Variants in PTPN23 observed in about 807,000 individuals in gnomAD.
The protein encoded by PTPN23 is tyrosine-protein phosphatase non-receptor type 23.
A neutral mutation model predicts 156.3 loss-of-function variants in PTPN23; 72 were observed. The ratio of observed to expected loss-of-function variants is 0.46; its 90% CI spans 0.38 to 0.56. The LOEUF (loss-of-function observed/expected upper bound fraction) is 0.56, where lower values mean the gene tolerates loss of function less well. PTPN23 is among the 20% of genes least tolerant of loss of function. The pLI, the probability that PTPN23 is intolerant of heterozygous loss-of-function variation, is 0.00. For missense variants in PTPN23, 1,974 were observed against 2,171.5 expected (o/e 0.91, Z 1.81); for synonymous variants, 957 against 899.6 (o/e 1.06, Z -1.14).
rs552009689 is a variant in PTPN23, at chr3:47,396,069, G to A, written c.85-74G>A. 4 of 1,164,796 alleles carry A rather than the reference G, an allele frequency of 3.4e-6. No homozygotes were observed. In the African/African-American group the frequency reaches 4.7e-5, roughly 14 times the overall value. The allele number at this position is 1,164,796 out of a possible 1,614,324, so 72.2% of individuals were successfully genotyped here. A position where few individuals can be genotyped will look rare whatever the true frequency, so the allele number is the denominator to read the frequency against. On this transcript the variant is annotated intron_variant, in intron 1 of 24. Transcript: ENST00000265562. ...CTGCACTTAATCCTGAGTCCTGGTT[G>A]GTGCTTGCCCAGGACTCAGAGGGCA... is the stretch of plus-strand genomic sequence containing the variant.
intron 23 of PTPN23, 45 bp downstream of exon 23, chr3:47,412,466 G>C: frequency 6.2e-7 from 1 of 1,611,628 alleles, no homozygotes; most frequent in Non-Finnish European, 8.5e-7. Context: ...TTCTGTCCCA[G>C]GGTGACGGGC....
chr3:47,396,072 G>A, intron 1 of PTPN23, 71 bp from the exon 2 acceptor site: 2 of 1,227,986 alleles, frequency 1.6e-6, no homozygotes, highest in Non-Finnish European at 2.4e-6. Flanking sequence ...CCTGGTTGGT[G>A]CTTGCCCAGG....
intron 1 of PTPN23, among the ~76,000 whole-genome samples, chr3:47,382,675 C>CTTTTATTTTT (rs1704569368): frequency 1.6e-5 from 1 of 63,346 alleles, no homozygotes. Context: ...TTTTCTTTTT[C>CTTTTATTTTT]TTTTCTTTTT....
chr3:47,382,094 A>T (rs1206090888), intron 1 of PTPN23, among the ~76,000 whole-genome samples: 1 of 152,168 alleles, frequency 6.6e-6, no homozygotes, highest in East Asian at 1.9e-4. Flanking sequence ...ACTTAGCGAG[A>T]CGCTTGGGAA....
intron 2 of PTPN23, 76 bp downstream of exon 2, chr3:47,396,293 G>A (rs1704878405): frequency 3.1e-6 from 4 of 1,270,820 alleles, no homozygotes; most frequent in Non-Finnish European, 4.5e-6. Flanking sequence ...AACTGCCTAG[G>A]CTGGGCATGG....
chr3:47,398,239 C>T (rs999478873), intron 2 of PTPN23, among the ~76,000 whole-genome samples: 3 of 152,140 alleles, frequency 2.0e-5, no homozygotes, highest in Non-Finnish European at 2.9e-5. Context: ...GTGGAGGTTG[C>T]AGTGAGCCAA....
At position 47,409,006 on chromosome 3, in the gene PTPN23, C is replaced by T. The variant is rs201343543; in HGVS notation, c.1561C>T (p.Leu521=). 2 of 1,614,136 alleles carry T rather than the reference C, an allele frequency of 1.2e-6. No homozygotes were observed. Among genetic ancestry groups the T allele is most frequent in the Admixed American group, 1.7e-5 (1 of 60,034 alleles). The part of the protein sequence containing the change: ...TNSELHRAMN[L]HVGNLRLLSG... ...CAGTGAGCTGCACCGTGCCATGAAC[C>T]TGCACGTCGGCAACCTGCGCCTGCT... Residue 521 remains leucine (L), a synonymous_variant, in exon 16 of 25, where the codon CTG becomes TTG. Coordinates refer to ENST00000265562, the MANE Select transcript of PTPN23 (RefSeq NM_015466.4).
At chr3:47,403,645 C>T (rs982178354) in intron 2 of PTPN23, among the ~76,000 whole-genome samples, 4 of 152,100 alleles carry the variant, frequency 2.6e-5, no homozygotes, top group South Asian at 2.1e-4. Flanking sequence ...CTTTTCCCGT[C>T]GGCCTCCCAA....
chr3:47,405,586 C>T lies in PTPN23; in HGVS notation c.365-163C>T. ...GGAGACTGAGGGCTGGGCAGGACTTCTGAGTTTCCCTGTTCCCTCCAGCTT... is the reference window on the plus strand; with the variant it reads ...GGAGACTGAGGGCTGGGCAGGACTTTTGAGTTTCCCTGTTCCCTCCAGCTT... On this transcript the variant is annotated intron_variant, in intron 4 of 24. Coordinates refer to ENST00000265562, the MANE Select transcript of PTPN23 (RefSeq NM_015466.4). This position sits in a 1 kb window ranked among gnomAD's most constrained non-coding sequence, Gnocchi z 4.7. 1 of 701,826 alleles carries T rather than the reference C, an allele frequency of 1.4e-6. No individual in the cohort carries two copies. Among genetic ancestry groups the T allele is most frequent in the Non-Finnish European group, 2.4e-6 (1 of 418,794 alleles). The allele number at this position is 701,826 out of a possible 1,614,324, so 43.5% of individuals were successfully genotyped here.
chr3:47,408,087 G>C lies in PTPN23; in HGVS notation c.1184+132G>C, dbSNP rs984914069. 1.8e-5 allele frequency: 21 copies of C among 1,179,774 alleles called. No homozygotes were observed. In the African/African-American group the frequency reaches 2.7e-4, roughly 15 times the overall value. 73.1% of individuals were successfully genotyped at this position (1,179,774 alleles called of 1,614,324 possible). The stretch of plus-strand genomic sequence containing the variant: ...ACAGGTTTCCCAATGCTGCCTTCCC[G>C]CCTGGGGTGGTGGGGCTAGTGTGTA... On this transcript the variant is annotated intron_variant, in intron 14 of 24. Coordinates refer to ENST00000265562, the MANE Select transcript of PTPN23 (RefSeq NM_015466.4).
rs376047678 is a variant in PTPN23, at chr3:47,406,313, G to A, written c.547-12G>A. 5.9e-5 allele frequency: 95 copies of A among 1,613,212 alleles called. No homozygotes were observed. Among genetic ancestry groups the A allele is most frequent in the Non-Finnish European group, 7.6e-5 (90 of 1,179,972 alleles). On this transcript the variant is annotated splice_polypyrimidine_tract_variant and intron_variant, in intron 6 of 24. Coordinates refer to ENST00000265562, the MANE Select transcript of PTPN23 (RefSeq NM_015466.4). The surrounding 1 kb of genome is among the most constrained non-coding windows in gnomAD (Gnocchi z 5.8). ...GGGTGAGCGAGGGAGTGCACCTCAC[G>A]TGTCGCCCCAGGGCCAGGCTCAGGA...
chr3:47,409,327 G>T lies in PTPN23; in HGVS notation c.1797+10G>T. 6.2e-7 allele frequency: 1 copy of T among 1,613,940 alleles called. No homozygotes were observed. Among genetic ancestry groups the T allele is most frequent in the Non-Finnish European group, 8.5e-7 (1 of 1,179,922 alleles). ...CCACTCAGAGATGAAGGTGGGCTGG[G>T]TGAGCAGGGTAGAGGGGCTCTGGCT... On this transcript the variant is annotated intron_variant, in intron 17 of 24. Transcript: ENST00000265562.
intron 1 of PTPN23, among the ~76,000 whole-genome samples, chr3:47,389,700 C>T (rs538558202): frequency 2.0e-5 from 3 of 152,184 alleles, no homozygotes; most frequent in East Asian, 1.9e-4. Context: ...ATTAGCCAGG[C>T]GTGGTGGCGG....
intron 1 of PTPN23, among the ~76,000 whole-genome samples, chr3:47,390,117 C>T (rs1055559633): frequency 6.6e-6 from 1 of 151,770 alleles, no homozygotes; most frequent in Non-Finnish European, 1.5e-5. Flanking sequence ...TGGCACACAG[C>T]TGTAGTCCTA....
rs770870105 is a variant in PTPN23 at position 47,412,759 on chromosome 3, C to T, written c.4485C>T (p.Ile1495=). 1.2e-5 allele frequency: 20 copies of T among 1,610,856 alleles called. No individual in the cohort carries two copies. The highest frequency in any genetic ancestry group is 1.7e-5 in the Non-Finnish European group (20 of 1,178,212). Residue 1495 remains isoleucine (I), a synonymous_variant, in exon 25 of 25, where the codon ATC becomes ATT. Transcript: ENST00000265562. ...TGGTCCTCGGTGGGGATGTGCCCAT[C>T]AGCTCCATCCAGGCCACCATTGCCA... ...QDLVLGGDVP[I]SSIQATIAKL... is the part of the protein sequence containing the mutation.
rs1428624980 is a variant in PTPN23, at chr3:47,407,596, G to A, written c.1003+12G>A. On this transcript the variant is annotated intron_variant, in intron 12 of 24. Transcript: ENST00000265562. This position sits in a 1 kb window ranked among gnomAD's most constrained non-coding sequence, Gnocchi z 4.0. ...TCAGCCTGTAAAAGGTCGGGGAGCTGAGAGGTGGGGGCAGAGGTGACGGTG... is the reference window on the plus strand; with the variant it reads ...TCAGCCTGTAAAAGGTCGGGGAGCTAAGAGGTGGGGGCAGAGGTGACGGTG... 31 of 1,611,724 alleles carry A rather than the reference G, an allele frequency of 1.9e-5. No homozygotes were observed. Among genetic ancestry groups the A allele is most frequent in the Non-Finnish European group, 2.6e-5 (31 of 1,177,978 alleles).
chr3:47,405,062 C>T lies in PTPN23; in HGVS notation c.345C>T (p.Ala115=). 1.2e-6 allele frequency: 2 copies of T among 1,614,190 alleles called. No individual in the cohort carries two copies. The highest frequency in any genetic ancestry group is 1.7e-6 in the Non-Finnish European group (2 of 1,180,034). The change falls in exon 4 of 25, where the codon GCC becomes GCT. Residue 115 remains alanine, a synonymous_variant. Transcript: ENST00000265562. The surrounding 1 kb of genome is among the most constrained non-coding windows in gnomAD (Gnocchi z 4.7). ...ATGAGGACATCAAGTACGAGCAGGC[C>T]TGTATTCTCTACAACCTTGGTGAGC... ...VAHEDIKYEQ[A]CILYNLGALH...
chr3:47,405,133 A>G lies in PTPN23; in HGVS notation c.364+52A>G. The G allele has an allele frequency of 6.4e-7, 1 of 1,552,494 alleles. No homozygotes were observed. The highest frequency in any genetic ancestry group is 8.9e-7 in the Non-Finnish European group (1 of 1,124,550). On this transcript the variant is annotated intron_variant, in intron 4 of 24. Coordinates refer to ENST00000265562, the MANE Select transcript of PTPN23 (RefSeq NM_015466.4). This position sits in a 1 kb window ranked among gnomAD's most constrained non-coding sequence, Gnocchi z 4.7. ...CCCTACTCCCCAGTCCTGCCAGCCT[A>G]GCTTTCAGCTCTTCAGATGGCCACA...
intron 1 of PTPN23, among the ~76,000 whole-genome samples, chr3:47,395,864 G>A (rs889885309): frequency 2.6e-5 from 4 of 152,134 alleles, no homozygotes; most frequent in Non-Finnish European, 4.4e-5. Context: ...ATTTCAGTCC[G>A]CTGAGTTCCT....
Sources: gnomAD v4.1 joint callset for allele counts (sites outside exome capture counted in the v4.1 genomes callset) on GRCh38, gnomAD v4.1.1 for gene constraint, Gnocchi (gnomAD v3.1) non-coding constraint, MANE v1.5 for transcripts, NCBI Gene and HGNC (gene_info 2026-07-23, HGNC 2026-07-21) for gene names.